Variants in COG3 observed in about 807,000 individuals in gnomAD.
The protein encoded by COG3 is conserved oligomeric Golgi complex subunit 3.
In COG3, 32 loss-of-function variants were observed where a neutral mutation model predicts 114.1. The ratio of observed to expected loss-of-function variants is 0.28; its 90% CI spans 0.21 to 0.38. The LOEUF is 0.38. Ranked by LOEUF, COG3 falls within the 10% of genes least tolerant of loss-of-function variation. The pLI is 1.00. For missense variants in COG3, 813 were observed against 973.2 expected (o/e 0.84, Z 2.19); for synonymous variants, 352 against 365.7 (o/e 0.96, Z 0.43).
chr13:45,465,403 T>A, intron 1 of COG3, 193 bp downstream of exon 1: 1 of 953,708 alleles, frequency 1.0e-6, no homozygotes, highest in Non-Finnish European at 1.5e-6. Flanking sequence ...ACCCCGACTC[T>A]AATTCTGCCT....
Position 45,534,796 on chromosome 13 carries a change from T to C in COG3, c.*65T>C. ...AGGAGCAGGCTGAGAAGTCTTGCAG[T>C]CTGCAGGACACCGAGGAATCGTATG... is the stretch of plus-strand genomic sequence containing the variant. On this transcript the variant is annotated 3_prime_UTR_variant, in exon 23 of 23. Transcript: ENST00000349995. 1.5e-5 allele frequency: 23 copies of C among 1,514,536 alleles called. No individual in the cohort carries two copies. The highest frequency in any genetic ancestry group is 1.8e-5 in the Non-Finnish European group (20 of 1,132,490). 93.8% of individuals were successfully genotyped at this position (1,514,536 alleles called of 1,614,324 possible).
chr13:45,535,647 T>C lies in COG3; in HGVS notation c.*916T>C. On this transcript the variant is annotated 3_prime_UTR_variant, in exon 23 of 23. Transcript: ENST00000349995. ...GCAAACACTTTCATGTCCTGTCTAT[T>C]CATTCAGCTGGCTGTGCTGTGCTGT... The C allele has an allele frequency of 1.0e-6, 1 of 985,676 alleles. No individual in the cohort carries two copies. Among genetic ancestry groups the C allele is most frequent in the Non-Finnish European group, 1.2e-6 (1 of 830,088 alleles). 61.1% of individuals were successfully genotyped at this position (985,676 alleles called of 1,614,324 possible).
At chr13:45,502,454 T>C (rs1175297567) in intron 13 of COG3, among the ~76,000 whole-genome samples, 1 of 152,120 alleles carries the variant, frequency 6.6e-6, no homozygotes, top group African/African-American at 2.4e-5. Context: ...TTGCAGTAAA[T>C]ATGCTTACTG....
At chr13:45,523,724 TA>T (rs1183748798) in intron 19 of COG3, among the ~76,000 whole-genome samples, 1 of 152,206 alleles carries the variant, frequency 6.6e-6, no homozygotes, top group Non-Finnish European at 1.5e-5. Context: ...CCATTACTAT[TA>T]AAACAAAACT....
intron 14 of COG3, among the ~76,000 whole-genome samples, chr13:45,509,362 C>T (rs566417839): frequency 3.8e-4 from 58 of 152,266 alleles, no homozygotes; most frequent in Non-Finnish European, 3.1e-4. Context: ...TTAATGGCTG[C>T]ATTCTATAAT....
chr13:45,501,307 CACTT>C (rs1258231369), intron 13 of COG3, among the ~76,000 whole-genome samples: 1 of 152,092 alleles, frequency 6.6e-6, no homozygotes, highest in Non-Finnish European at 1.5e-5. Flanking sequence ...TTGATTCAAT[CACTT>C]ACTGATGTCA....
chr13:45,479,083 C>G lies in COG3; in HGVS notation c.383+17C>G. The G allele has an allele frequency of 6.4e-7, 1 of 1,560,426 alleles. No homozygotes were observed. The highest frequency in any genetic ancestry group is 2.2e-5 in the East Asian group (1 of 44,482). On this transcript the variant is annotated intron_variant, in intron 3 of 22. Transcript: ENST00000349995. Reference sequence around the variant, plus strand: ...TAAATATAGGTATGTGTGTCTCTTGCATTTGTTGAATATCTTAATTTTTAG... The same window carrying G: ...TAAATATAGGTATGTGTGTCTCTTGGATTTGTTGAATATCTTAATTTTTAG...
chr13:45,486,426 C>T, intron 7 of COG3, 69 bp from the exon 8 acceptor site: 1 of 943,444 alleles, frequency 1.1e-6, no homozygotes, highest in Non-Finnish European at 1.7e-6. Context: ...GAAATGGTTG[C>T]TGTTGGGTTT....
intron 8 of COG3, among the ~76,000 whole-genome samples, chr13:45,488,138 A>G (rs897849030): frequency 2.6e-5 from 4 of 151,990 alleles, no homozygotes; most frequent in African/African-American, 9.7e-5. Context: ...AAAGACAAAT[A>G]TTGTATGTTT....
In COG3 at chr13:45,479,037, G is replaced by C. The variant is rs759461757; in HGVS notation, c.354G>C (p.Gln118His). The stretch of plus-strand genomic sequence containing the variant: ...CATGGTTTGCAAAGCTGCAAACTCA[G>C]ATGGATCAAGATGAAGGAACTAAAT... ...FFSWFAKLQT[Q>H]MDQDEGTKYR... Residue 118 changes from glutamine (Q) to histidine (H), a missense_variant, in exon 3 of 23, where the codon CAG becomes CAC. Transcript: ENST00000349995. The C allele has an allele frequency of 1.2e-6, 2 of 1,611,242 alleles. No individual in the cohort carries two copies. The highest frequency in any genetic ancestry group is 3.3e-4 in the Middle Eastern group (2 of 6,038).
intron 8 of COG3, 38 bp from the exon 9 acceptor site, chr13:45,490,877 A>C: frequency 3.1e-6 from 4 of 1,297,306 alleles, no homozygotes; most frequent in Non-Finnish European, 4.4e-6. Context: ...ATAATATAAC[A>C]GAGATGGTTT....
intron 15 of COG3, among the ~76,000 whole-genome samples, chr13:45,511,158 G>GT (rs11352257): frequency 0.061 from 8,987 of 147,658 alleles, 672 homozygotes; most frequent in African/African-American, 0.18. Flanking sequence ...TTGGTAACCT[G>GT]TTTTTTTTTT....
chr13:45,493,215 T>C, intron 11 of COG3, 132 bp from the exon 12 acceptor site: 1 of 670,084 alleles, frequency 1.5e-6, no homozygotes, highest in Non-Finnish European at 2.5e-6. Flanking sequence ...CATTCTATAA[T>C]GTCCTCAGAT....
At chr13:45,508,597 T>C (rs1870505712) in intron 14 of COG3, among the ~76,000 whole-genome samples, 1 of 152,134 alleles carries the variant, frequency 6.6e-6, no homozygotes, top group Non-Finnish European at 1.5e-5. Context: ...AATAAACCAT[T>C]ATTGCACTAA....
intron 12 of COG3, among the ~76,000 whole-genome samples, chr13:45,494,231 A>T (rs1344353887): frequency 2.0e-5 from 3 of 150,996 alleles, no homozygotes; most frequent in Non-Finnish European, 4.4e-5. Context: ...AGGCTTAGGC[A>T]GGAGAATTGC....
At position 45,534,773 on chromosome 13, in the gene COG3, G is replaced by C; in HGVS notation, c.*42G>C. The C allele has an allele frequency of 1.3e-6, 2 of 1,539,590 alleles. No individual in the cohort carries two copies. Among genetic ancestry groups the C allele is most frequent in the Non-Finnish European group, 1.7e-6 (2 of 1,142,946 alleles). ...GTGCACCTAAATGTCTGTCTGGGAG[G>C]AGCAGGCTGAGAAGTCTTGCAGTCT... On this transcript the variant is annotated 3_prime_UTR_variant, in exon 23 of 23. Coordinates refer to ENST00000349995, the MANE Select transcript of COG3 (RefSeq NM_031431.4).
At chr13:45,510,475 G>C (rs898215056) in intron 15 of COG3, among the ~76,000 whole-genome samples, 3 of 152,138 alleles carry the variant, frequency 2.0e-5, no homozygotes, top group African/African-American at 7.2e-5. Context: ...TTCCTCCCCA[G>C]GGTGTCCATT....
At chr13:45,491,355 T>C (rs1468347492) in intron 9 of COG3, 57 bp from the exon 10 acceptor site, 2 of 1,560,866 alleles carry the variant, frequency 1.3e-6, no homozygotes, top group Non-Finnish European at 1.7e-6. Flanking sequence ...GGATTTAAGA[T>C]GAAATTTAGT....
intron 8 of COG3, among the ~76,000 whole-genome samples, chr13:45,490,714 T>C (rs1044158805): frequency 1.3e-5 from 2 of 151,612 alleles, no homozygotes; most frequent in African/African-American, 4.9e-5. Flanking sequence ...AAGAAAAATA[T>C]AGGAACTGTG....
Sources: allele counts gnomAD v4.1 joint callset (sites outside exome capture counted in the v4.1 genomes callset), GRCh38; gene constraint gnomAD v4.1.1; transcripts MANE v1.5; gene names NCBI Gene and HGNC (gene_info 2026-07-23, HGNC 2026-07-21).